Variants in NEDD4L observed in about 807,000 individuals in gnomAD.
NEDD4L encodes NEDD4 like E3 ubiquitin protein ligase.
Under a neutral mutation model 148.9 loss-of-function variants are expected in NEDD4L, and 54 were observed. That is an observed-to-expected ratio of 0.36 (90% CI 0.29 to 0.45). NEDD4L has a LOEUF of 0.45. NEDD4L is among the 20% of genes least tolerant of loss of function. The pLI, the probability that NEDD4L is intolerant of heterozygous loss-of-function variation, is 1.00. For synonymous variants in NEDD4L, 433 were observed against 440.7 expected (o/e 0.98, Z 0.22); for missense variants, 856 against 1,233.8 (o/e 0.69, Z 4.59).
chr18:58,064,888 G>T (rs2082520945), intron 1 of NEDD4L, among the ~76,000 whole-genome samples: 1 of 152,090 alleles, frequency 6.6e-6, no homozygotes, highest in African/African-American at 2.4e-5. Context: ...ATTGCGTGAG[G>T]CCAGGAGTTT....
chr18:58,369,779 C>T lies in NEDD4L; in HGVS notation c.2186-618C>T, dbSNP rs145712580. ...GACGCCTGAATGGTGGGAGGCCGAC[C>T]TCGCTGCTGTTGCCTCCCTGAGGCC... On this transcript the variant is annotated intron_variant, in intron 22 of 30. Coordinates refer to ENST00000400345, the MANE Select transcript of NEDD4L (RefSeq NM_001144967.3). 1.5e-4 allele frequency among the ~76,000 whole-genome samples: 23 copies of T among 152,328 alleles called. No individual in the cohort carries two copies. The East Asian group carries it at 3.9e-3, about 26-fold the overall frequency.
intron 5 of NEDD4L, among the ~76,000 whole-genome samples, chr18:58,269,336 A>G (rs17806239): frequency 0.35 from 52,623 of 151,902 alleles, 11,184 homozygotes; most frequent in Non-Finnish European, 0.46. Flanking sequence ...TTGCAAGGCT[A>G]CTGAATGGCT....
intron 1 of NEDD4L, chr18:58,047,074 A>G (rs546704823): frequency 6.1e-6 from 1 of 164,450 alleles, no homozygotes; most frequent in Admixed American, 6.5e-5. Flanking sequence ...CTGAATTAGT[A>G]TGTGTAAGAA....
chr18:58,283,194 G>A (rs984633256), intron 5 of NEDD4L, among the ~76,000 whole-genome samples: 4 of 152,154 alleles, frequency 2.6e-5, no homozygotes, highest in Non-Finnish European at 5.9e-5. Context: ...TCCTGCCTTA[G>A]CCTCCTGAGT....
intron 1 of NEDD4L, among the ~76,000 whole-genome samples, chr18:58,086,938 C>T (rs1044032577): frequency 6.6e-6 from 1 of 152,180 alleles, no homozygotes; most frequent in Non-Finnish European, 1.5e-5. Context: ...GTTTCTGTGC[C>T]TTTCAATCCA....
At chr18:58,367,507 A>G (rs2046280318) in intron 21 of NEDD4L, among the ~76,000 whole-genome samples, 1 of 152,206 alleles carries the variant, frequency 6.6e-6, no homozygotes, top group South Asian at 2.1e-4. Context: ...TAGGTCAAAA[A>G]CAGTCAAACA....
intron 5 of NEDD4L, among the ~76,000 whole-genome samples, chr18:58,302,953 A>G (rs567014025): frequency 1.8e-3 from 272 of 152,328 alleles, no homozygotes; most frequent in Non-Finnish European, 2.4e-3. Flanking sequence ...TCGTCAGTAG[A>G]GGGCATGCAG....
At chr18:58,348,805 C>G (rs2043469453) in intron 16 of NEDD4L, among the ~76,000 whole-genome samples, 1 of 152,122 alleles carries the variant, frequency 6.6e-6, no homozygotes, top group South Asian at 2.1e-4. Flanking sequence ...ATCATGCAGC[C>G]TGACCCAGGT....
In NEDD4L at chr18:58,044,496, C is replaced by A. The variant is rs1228285702; in HGVS notation, c.-165C>A. The A allele has an allele frequency of 1.1e-6, 1 of 940,818 alleles. No individual in the cohort carries two copies. The highest frequency in any genetic ancestry group is 1.4e-6 in the Non-Finnish European group (1 of 717,710). The allele number at this position is 940,818 out of a possible 1,614,324, so 58.3% of individuals were successfully genotyped here. The stretch of plus-strand genomic sequence containing the variant: ...CGGTGCCGGCAGCGTCCAGGGCGCG[C>A]TCTCGGGCACCCTCACCTGCCGGCG... On this transcript the variant is annotated 5_prime_UTR_variant, in exon 1 of 31. Coordinates refer to ENST00000400345, the MANE Select transcript of NEDD4L (RefSeq NM_001144967.3).
At chr18:58,095,834 A>G (rs1216943624) in intron 1 of NEDD4L, among the ~76,000 whole-genome samples, 1 of 152,224 alleles carries the variant, frequency 6.6e-6, no homozygotes, top group Non-Finnish European at 1.5e-5. Context: ...TGCAACCACA[A>G]GCAGGTCACA....
intron 1 of NEDD4L, among the ~76,000 whole-genome samples, chr18:58,163,806 C>G (rs554269805): frequency 6.6e-6 from 1 of 152,140 alleles, no homozygotes; most frequent in African/African-American, 2.4e-5. Flanking sequence ...GGATGTGTGT[C>G]CATTGCATGA....
intron 1 of NEDD4L, among the ~76,000 whole-genome samples, chr18:58,066,387 G>GTTTTTTT (rs368243667): frequency 0.014 from 1,544 of 111,954 alleles, 96 homozygotes; most frequent in Middle Eastern, 0.04. Flanking sequence ...CTCTGTATTA[G>GTTTTTTT]TTTTTTTTTT....
In NEDD4L at chr18:58,367,944, G is replaced by T. The variant is rs903436711; in HGVS notation, c.2185+77G>T. 4 of 1,492,020 alleles carry T rather than the reference G, an allele frequency of 2.7e-6. No homozygotes were observed. In the African/African-American group the frequency reaches 5.6e-5, roughly 21 times the overall value. 92.4% of individuals were successfully genotyped at this position (1,492,020 alleles called of 1,614,324 possible). A position where few individuals can be genotyped will look rare whatever the true frequency, so the allele number is the denominator to read the frequency against. On this transcript the variant is annotated intron_variant, in intron 22 of 30. Transcript: ENST00000400345. Reference sequence around the variant, plus strand: ...AGGTGTCTTATCTTTCGCATCATGGGTTTTTAAGCAAAAGCTTCACTGGTT... The same window carrying T: ...AGGTGTCTTATCTTTCGCATCATGGTTTTTTAAGCAAAAGCTTCACTGGTT...
At chr18:58,071,709 G>A (rs2082880212) in intron 1 of NEDD4L, among the ~76,000 whole-genome samples, 1 of 152,210 alleles carries the variant, frequency 6.6e-6, no homozygotes, top group Non-Finnish European at 1.5e-5. Flanking sequence ...AAAGGAAAGA[G>A]GTTTAATTGA....
intron 1 of NEDD4L, among the ~76,000 whole-genome samples, chr18:58,067,576 T>C (rs918771913): frequency 3.4e-4 from 51 of 152,158 alleles, no homozygotes; most frequent in African/African-American, 1.1e-3. Flanking sequence ...GCAGTTCCCA[T>C]GGAATTGGGT....
At chr18:58,220,181 G>A (rs921042108) in intron 2 of NEDD4L, among the ~76,000 whole-genome samples, 2 of 152,196 alleles carry the variant, frequency 1.3e-5, no homozygotes, top group East Asian at 3.8e-4. Context: ...TTGGGAGGCC[G>A]AGATGGGTGG....
At chr18:58,092,183 C>T (rs541973478) in intron 1 of NEDD4L, among the ~76,000 whole-genome samples, 29 of 152,336 alleles carry the variant, frequency 1.9e-4, no homozygotes, top group African/African-American at 7.0e-4. Context: ...ATCCTCCCTT[C>T]GGGGGAGGTC....
At chr18:58,273,801 C>T (rs17064621) in intron 5 of NEDD4L, among the ~76,000 whole-genome samples, 11,386 of 152,228 alleles carry the variant, frequency 0.075, 1,364 homozygotes, top group African/African-American at 0.26. Flanking sequence ...GCAGAACCTT[C>T]GGCGCGGATT....
chr18:58,306,998 A>G (rs1367333997), intron 5 of NEDD4L, among the ~76,000 whole-genome samples: 2 of 152,210 alleles, frequency 1.3e-5, no homozygotes, highest in South Asian at 2.1e-4. Flanking sequence ...TTGGCTTGTT[A>G]TTCCTTGCAA....
Sources: gnomAD v4.1 joint callset for allele counts (sites outside exome capture counted in the v4.1 genomes callset) on GRCh38, gnomAD v4.1.1 for gene constraint, MANE v1.5 for transcripts, NCBI Gene and HGNC (gene_info 2026-07-23, HGNC 2026-07-21) for gene names.